Variants in NTM observed in about 807,000 individuals in gnomAD.
NTM encodes IgLON family member 2.
Under a neutral mutation model 42.1 loss-of-function variants are expected in NTM, and 13 were observed. The ratio of observed to expected loss-of-function variants is 0.31; its 90% CI spans 0.20 to 0.49. The LOEUF (loss-of-function observed/expected upper bound fraction) is 0.49, where lower values mean the gene tolerates loss of function less well. NTM is among the 20% of genes least tolerant of loss of function. The pLI is 0.99. For missense variants in NTM, 373 were observed against 452.8 expected (o/e 0.82, Z 1.60); for synonymous variants, 187 against 179.2 (o/e 1.04, Z -0.35).
chr11:131,946,105 C>A (rs2060317250), intron 2 of NTM, among the ~76,000 whole-genome samples: 1 of 152,096 alleles, frequency 6.6e-6, no homozygotes, highest in Non-Finnish European at 1.5e-5. Context: ...TCCCGGAAAT[C>A]TGGGTAAAGG....
In NTM at chr11:132,070,162, C is replaced by T. The variant is rs527911938; in HGVS notation, c.168-76120C>T. 1.0e-4 allele frequency among the ~76,000 whole-genome samples: 15 copies of T among 142,954 alleles called. No homozygotes were observed. The East Asian group carries it at 2.4e-3, about 23-fold the overall frequency. 93.8% of individuals were successfully genotyped at this position (142,954 alleles called of 152,430 possible). On this transcript the variant is annotated intron_variant, in intron 2 of 8. Coordinates refer to ENST00000683400, the MANE Select transcript of NTM (RefSeq NM_001352005.2). ...AGCCAAGTTAACACGTCAAACTGAC[C>T]GTCACAGGTTAGTTAACACGTCACA... is the stretch of plus-strand genomic sequence containing the variant.
At position 132,189,641 on chromosome 11, in the gene NTM, T is replaced by TACACACACAC. The variant is rs35740557; in HGVS notation, c.401-22363_401-22354dup. Among the ~76,000 whole-genome samples the TACACACACAC allele has an allele frequency of 2.1e-3, 311 of 149,220 alleles. 2 individuals are homozygous for TACACACACAC. The highest frequency in any genetic ancestry group is 7.4e-3 in the African/African-American group (300 of 40,772). Reference sequence around the variant, plus strand: ...GCCTTGCCCACTGATTCACGGCAGATACACACACACACACACACACACACA... The same window carrying TACACACACAC: ...GCCTTGCCCACTGATTCACGGCAGATACACACACACACACACACACACACACACACACACA... On this transcript the variant is annotated intron_variant, in intron 3 of 8. Transcript: ENST00000683400.
chr11:132,318,118 C>A (rs2095477378), intron 7 of NTM, among the ~76,000 whole-genome samples: 2 of 152,180 alleles, frequency 1.3e-5, no homozygotes, highest in Non-Finnish European at 2.9e-5. Context: ...CATCAACTGG[C>A]TCATGAGGTT....
intron 3 of NTM, among the ~76,000 whole-genome samples, chr11:132,153,136 T>A (rs887291839): frequency 4.6e-5 from 7 of 152,176 alleles, no homozygotes; most frequent in Non-Finnish European, 7.3e-5. Flanking sequence ...ACCCCTTAGG[T>A]GCTTTTCCAC....
At chr11:131,764,255 G>T (rs1221970741) in intron 1 of NTM, among the ~76,000 whole-genome samples, 2 of 152,132 alleles carry the variant, frequency 1.3e-5, no homozygotes, top group African/African-American at 2.4e-5. Context: ...AGCAGTGGGT[G>T]CAACTTCATT....
At chr11:131,825,232 A>G (rs1018371489) in intron 1 of NTM, among the ~76,000 whole-genome samples, 3 of 152,160 alleles carry the variant, frequency 2.0e-5, no homozygotes, top group Non-Finnish European at 2.9e-5. Context: ...TCCCCTTTTC[A>G]TAAAGACACC....
At chr11:132,004,660 C>G (rs1177850310) in intron 2 of NTM, among the ~76,000 whole-genome samples, 1 of 151,742 alleles carries the variant, frequency 6.6e-6, no homozygotes, top group Non-Finnish European at 1.5e-5. Flanking sequence ...ACACAACACA[C>G]ACACACACAC....
At chr11:131,565,326 A>G (rs1037138900) in intron 1 of NTM, among the ~76,000 whole-genome samples, 1 of 152,146 alleles carries the variant, frequency 6.6e-6, no homozygotes, top group Admixed American at 6.5e-5. Context: ...CTGGCATGGC[A>G]TGAACTCTTC....
chr11:131,643,884 G>T (rs1176679137), intron 1 of NTM, among the ~76,000 whole-genome samples: 1 of 152,186 alleles, frequency 6.6e-6, no homozygotes, highest in African/African-American at 2.4e-5. Context: ...GAGACCAGAG[G>T]TGTGTCCTGA....
rs145678551 is a variant in NTM at position 131,495,636 on chromosome 11, G to A, written c.82+124748G>A. 2.7e-3 allele frequency among the ~76,000 whole-genome samples: 407 copies of A among 151,734 alleles called. 2 individuals are homozygous for A. Among genetic ancestry groups the A allele is most frequent in the African/African-American group, 9.2e-3 (381 of 41,568 alleles). On this transcript the variant is annotated intron_variant, in intron 1 of 8. Coordinates refer to ENST00000683400, the MANE Select transcript of NTM (RefSeq NM_001352005.2). ...ATCATGTGCTGCAGCCTGGGAGTGC[G>A]GCCAGAAGAAGCCGGCCTGGAAACA... is the stretch of plus-strand genomic sequence containing the variant.
chr11:131,468,862 G>T (rs961467899), intron 1 of NTM, among the ~76,000 whole-genome samples: 1 of 152,200 alleles, frequency 6.6e-6, no homozygotes, highest in Non-Finnish European at 1.5e-5. Flanking sequence ...ACCTTCACAG[G>T]GTGAAAAGGG....
At chr11:131,813,972 C>CAA (rs1565584364) in intron 1 of NTM, among the ~76,000 whole-genome samples, 1 of 152,006 alleles carries the variant, frequency 6.6e-6, no homozygotes, top group Non-Finnish European at 1.5e-5. Flanking sequence ...CAGTGTTGAG[C>CAA]CCACAGTAAG....
intron 2 of NTM, among the ~76,000 whole-genome samples, chr11:132,080,537 G>A (rs1005422841): frequency 4.1e-4 from 63 of 152,298 alleles, no homozygotes; most frequent in African/African-American, 1.5e-3. Context: ...TGATAAAATG[G>A]CTGGGCATAG....
intron 2 of NTM, among the ~76,000 whole-genome samples, chr11:131,951,868 A>G (rs1276917895): frequency 6.8e-6 from 1 of 147,640 alleles, no homozygotes; most frequent in African/African-American, 2.5e-5. Flanking sequence ...CACTACTCCC[A>G]CCTCATAGGC....
chr11:132,268,213 T>C (rs992614505), intron 4 of NTM, among the ~76,000 whole-genome samples: 5 of 152,224 alleles, frequency 3.3e-5, no homozygotes, highest in African/African-American at 9.6e-5. Flanking sequence ...CCAATAAGAC[T>C]TATATTAAAG....
At chr11:131,737,167 C>T (rs1252375973) in intron 1 of NTM, among the ~76,000 whole-genome samples, 1 of 152,180 alleles carries the variant, frequency 6.6e-6, no homozygotes, top group Non-Finnish European at 1.5e-5. Context: ...AGGCATCCCA[C>T]ATAGAAGAGC....
chr11:132,163,694 G>C (rs1158576866), intron 3 of NTM, among the ~76,000 whole-genome samples: 1 of 152,228 alleles, frequency 6.6e-6, no homozygotes, highest in Admixed American at 6.5e-5. Flanking sequence ...CTGACTCAAA[G>C]GACTGTATCC....
At chr11:132,001,959 A>G (rs547440779) in intron 2 of NTM, among the ~76,000 whole-genome samples, 6 of 152,304 alleles carry the variant, frequency 3.9e-5, no homozygotes, top group Admixed American at 3.9e-4. Flanking sequence ...GAATGAGTGG[A>G]TAAGGAGAAT....
intron 1 of NTM, among the ~76,000 whole-genome samples, chr11:131,821,124 A>T (rs188459491): frequency 6.6e-6 from 1 of 152,118 alleles, no homozygotes; most frequent in East Asian, 1.9e-4. Flanking sequence ...GTGTTTGGCC[A>T]GGAAGGCAAC....
Sources: allele counts gnomAD v4.1 joint callset (sites outside exome capture counted in the v4.1 genomes callset), GRCh38; gene constraint gnomAD v4.1.1; transcripts MANE v1.5; gene names NCBI Gene and HGNC (gene_info 2026-07-23, HGNC 2026-07-21).